ASCC1: variants seen among roughly 807,000 people sequenced by gnomAD.
The protein encoded by ASCC1 is activating signal cointegrator 1 complex subunit 1, also known as ASC-1 complex subunit P50.
Under a neutral mutation model 46.6 loss-of-function variants are expected in ASCC1, and 35 were observed. The ratio of observed to expected loss-of-function variants is 0.75; its 90% CI spans 0.57 to 0.99. ASCC1 has a LOEUF of 0.99. ASCC1 is among the 50% of genes least tolerant of loss of function. The pLI is 0.00. For synonymous variants in ASCC1, 143 were observed against 146.6 expected (o/e 0.98, Z 0.18); for missense variants, 376 against 428.7 (o/e 0.88, Z 1.09).
intron 6 of ASCC1, among the ~76,000 whole-genome samples, chr10:72,154,328 A>T (rs1848701112): frequency 6.6e-6 from 1 of 152,036 alleles, no homozygotes; most frequent in South Asian, 2.1e-4. Context: ...ATATAAAGTG[A>T]CCTCTCTAAA....
In ASCC1 at chr10:72,161,617, C is replaced by T. The variant is rs1192378610; in HGVS notation, c.547G>A (p.Gly183Arg). The change falls in exon 6 of 10, where the codon GGG (glycine) becomes AGG (arginine). Residue 183 changes from glycine to arginine, a missense_variant. By Grantham distance (125) the Gly-to-Arg change is moderately radical. Transcript: ENST00000672957. ...TCCTCACTCAAAAGCACCAACATCC[C>T]AATAGTTAGATGAAGCTTTTTAGGA... The part of the protein sequence containing the change: ...QNPKKLHLTI[G>R]MLVLLSEEEI... 3 of 1,613,968 alleles carry T rather than the reference C, an allele frequency of 1.9e-6. No homozygotes were observed. The highest frequency in any genetic ancestry group is 2.5e-6 in the Non-Finnish European group (3 of 1,180,012).
chr10:72,159,369 C>T (rs1231219037), intron 6 of ASCC1: 1 of 152,138 alleles, frequency 6.6e-6, no homozygotes, highest in Non-Finnish European at 1.5e-5. Flanking sequence ...AGGAACTCAG[C>T]TAAATCTTTG....
At chr10:72,148,923 A>C (rs887393757) in intron 7 of ASCC1, among the ~76,000 whole-genome samples, 1 of 152,198 alleles carries the variant, frequency 6.6e-6, no homozygotes, top group African/African-American at 2.4e-5. Context: ...TGAAAAGATC[A>C]TTAATGTACT....
chr10:72,193,343 G>T (rs1003117512), intron 5 of ASCC1, among the ~76,000 whole-genome samples: 1 of 152,046 alleles, frequency 6.6e-6, no homozygotes, highest in African/African-American at 2.4e-5. Flanking sequence ...CAACTTGGAT[G>T]AATCTCAAAA....
rs564294758 is a variant in ASCC1, at chr10:72,202,332, G to T, written c.310+1095C>A. Among the ~76,000 whole-genome samples the T allele has an allele frequency of 5.9e-5, 9 of 152,210 alleles. No individual in the cohort carries two copies. In the East Asian group the frequency reaches 1.7e-3, roughly 29 times the overall value. On this transcript the variant is annotated intron_variant, in intron 4 of 9. Transcript: ENST00000672957. ...AAAATACAAAAATTAGCTGGGTTTG[G>T]TGGCACACACCTGTAGTCCCAGCTA...
chr10:72,155,135 A>C lies in ASCC1; in HGVS notation c.627-2147T>G, dbSNP rs1848805203. On this transcript the variant is annotated intron_variant, in intron 6 of 9. Transcript: ENST00000672957. ...GTTCATACATCTATAAAATCCCTGG[A>C]AGGATACAGAGAAAGTGGTACACTG... is the stretch of plus-strand genomic sequence containing the variant. Among the ~76,000 whole-genome samples, 3 of 152,318 alleles carry C rather than the reference A, an allele frequency of 2.0e-5. No individual in the cohort carries two copies. The South Asian group carries it at 6.2e-4, about 32-fold the overall frequency.
At chr10:72,112,628 G>A (rs1224138917) in intron 9 of ASCC1, among the ~76,000 whole-genome samples, 2 of 151,994 alleles carry the variant, frequency 1.3e-5, no homozygotes, top group Non-Finnish European at 2.9e-5. Flanking sequence ...ACACCTGTAA[G>A]CACATCACTT....
chr10:72,116,083 C>A (rs1024460891), intron 9 of ASCC1, among the ~76,000 whole-genome samples: 34 of 152,184 alleles, frequency 2.2e-4, no homozygotes, highest in African/African-American at 6.3e-4. Flanking sequence ...CACACGTACA[C>A]CCCAAATGGT....
At chr10:72,136,801 G>A (rs957769794) in intron 7 of ASCC1, among the ~76,000 whole-genome samples, 13 of 152,096 alleles carry the variant, frequency 8.5e-5, no homozygotes, top group African/African-American at 1.9e-4. Context: ...TGAACCCACC[G>A]GAAGGAACAA....
chr10:72,185,239 T>C (rs144948206), intron 5 of ASCC1, among the ~76,000 whole-genome samples: 10 of 152,302 alleles, frequency 6.6e-5, no homozygotes, highest in African/African-American at 2.4e-4. Context: ...AAACTAAACA[T>C]ACACTTGCAC....
intron 1 of ASCC1, 157 bp from the exon 2 acceptor site, chr10:72,213,488 C>A: frequency 1.7e-6 from 1 of 580,590 alleles, no homozygotes; most frequent in Non-Finnish European, 3.2e-6. Context: ...ATCTGTAAAC[C>A]AGTTTAGGTT....
chr10:72,113,930 T>C (rs1366240269), intron 9 of ASCC1, among the ~76,000 whole-genome samples: 1 of 152,238 alleles, frequency 6.6e-6, no homozygotes, highest in Non-Finnish European at 1.5e-5. Context: ...ATCTCCTTCC[T>C]AAACTTTCAC....
chr10:72,209,228 C>CAT (rs1029127951), intron 3 of ASCC1, among the ~76,000 whole-genome samples: 2 of 151,484 alleles, frequency 1.3e-5, no homozygotes, highest in African/African-American at 2.4e-5. Flanking sequence ...CACAGTGGCT[C>CAT]ATCCCAACAC....
At chr10:72,216,461 C>G (rs1859350162), upstream of ASCC1, 1 of 45,864 alleles carries the variant, frequency 2.2e-5, no homozygotes, top group Non-Finnish European at 5.1e-5. Flanking sequence ...TTCTCCACGC[C>G]CACCCCCGCC....
chr10:72,117,756 C>T (rs1004899687), intron 9 of ASCC1, among the ~76,000 whole-genome samples: 6 of 152,126 alleles, frequency 3.9e-5, no homozygotes, highest in African/African-American at 1.4e-4. Context: ...TATATAAAAG[C>T]TATTACAAAA....
intron 9 of ASCC1, among the ~76,000 whole-genome samples, chr10:72,124,723 C>CTTTT (rs34682603): frequency 2.8e-4 from 33 of 118,622 alleles, no homozygotes; most frequent in African/African-American, 6.6e-4. Context: ...CAAACAACAT[C>CTTTT]TTTTTTTTTT....
At chr10:72,135,417 C>CAG (rs1554829040) in intron 7 of ASCC1, among the ~76,000 whole-genome samples, 5 of 152,120 alleles carry the variant, frequency 3.3e-5, no homozygotes. Flanking sequence ...TGACATTTGA[C>CAG]AGAGACCTGA....
At chr10:72,150,562 C>T (rs1052120458) in intron 7 of ASCC1, among the ~76,000 whole-genome samples, 1 of 152,162 alleles carries the variant, frequency 6.6e-6, no homozygotes, top group South Asian at 2.1e-4. Context: ...GCTCTGAATG[C>T]CAAGGCCAGC....
At chr10:72,175,880 T>A (rs1851798521) in intron 5 of ASCC1, among the ~76,000 whole-genome samples, 1 of 152,212 alleles carries the variant, frequency 6.6e-6, no homozygotes, top group Non-Finnish European at 1.5e-5. Context: ...TCCTCTCACG[T>A]TTCTGATGGG....
Sources: allele counts gnomAD v4.1 joint callset (sites outside exome capture counted in the v4.1 genomes callset), GRCh38; gene constraint gnomAD v4.1.1; transcripts MANE v1.5; gene names NCBI Gene and HGNC (gene_info 2026-07-23, HGNC 2026-07-21).